Variants in PPP2CB observed in about 807,000 individuals in gnomAD.
The protein encoded by PPP2CB is serine/threonine-protein phosphatase 2A catalytic subunit beta isoform.
In PPP2CB, 18 loss-of-function variants were observed where a neutral mutation model predicts 39.1. That is an observed-to-expected ratio of 0.46 (90% confidence interval 0.32 to 0.68). PPP2CB has a LOEUF of 0.68. PPP2CB is among the 30% of genes least tolerant of loss of function. The pLI is 0.04. For synonymous variants in PPP2CB, 129 were observed against 133.8 expected, an observed-to-expected ratio of 0.96 and a Z score of 0.25; for missense variants, 226 against 396.9, an observed-to-expected ratio of 0.57 and a Z score of 3.66.
At chr8:30,803,082 T>C (rs1806652959) in intron 1 of PPP2CB, among the ~76,000 whole-genome samples, 2 of 152,220 alleles carry the variant, frequency 1.3e-5, no homozygotes, top group African/African-American at 4.8e-5. Flanking sequence ...CTTTCTGTAT[T>C]TGTCAGGAAA....
intron 1 of PPP2CB, among the ~76,000 whole-genome samples, chr8:30,803,026 T>C (rs954022645): frequency 6.6e-6 from 1 of 152,192 alleles, no homozygotes; most frequent in Non-Finnish European, 1.5e-5. Flanking sequence ...ACTTATTGCA[T>C]AAATGAGGAA....
intron 1 of PPP2CB, among the ~76,000 whole-genome samples, chr8:30,808,854 TA>T (rs752399856): frequency 1.3e-5 from 2 of 151,882 alleles, no homozygotes; most frequent in Non-Finnish European, 2.9e-5. Context: ...CACTTATGAT[TA>T]AAACTTTCAG....
chr8:30,791,922 G>A (rs914594387), intron 5 of PPP2CB, among the ~76,000 whole-genome samples: 9 of 151,386 alleles, frequency 5.9e-5, no homozygotes, highest in East Asian at 1.9e-4. Flanking sequence ...ATACATACAC[G>A]TATATATGTA....
At chr8:30,801,509 G>C (rs966786923) in intron 1 of PPP2CB, among the ~76,000 whole-genome samples, 1 of 150,874 alleles carries the variant, frequency 6.6e-6, no homozygotes, top group Admixed American at 6.6e-5. Context: ...ACTCCAGCCT[G>C]GGCGACAGAG....
chr8:30,804,154 T>C (rs2128762282), intron 1 of PPP2CB, among the ~76,000 whole-genome samples: 1 of 152,326 alleles, frequency 6.6e-6, no homozygotes, highest in African/African-American at 2.4e-5. Flanking sequence ...AAAAAGAATA[T>C]GCCAACTCAA....
At chr8:30,802,362 G>A (rs567451673) in intron 1 of PPP2CB, among the ~76,000 whole-genome samples, 75 of 152,094 alleles carry the variant, frequency 4.9e-4, no homozygotes, top group Non-Finnish European at 9.7e-4. Context: ...TTTTGCATAT[G>A]AAGAACATGG....
intron 5 of PPP2CB, among the ~76,000 whole-genome samples, chr8:30,792,122 T>C (rs1017695164): frequency 1.1e-4 from 17 of 151,558 alleles, no homozygotes; most frequent in African/African-American, 3.9e-4. Context: ...AGTGGTGCGA[T>C]CTAGACTCAC....
chr8:30,791,332 A>G lies in PPP2CB; in HGVS notation c.739-17T>C, dbSNP rs750772645. ...ATTGTATCCCTGCAGGATAAAAACA[A>G]ATTCATTATTTCATTATAATATTAT... On this transcript the variant is annotated splice_polypyrimidine_tract_variant and intron_variant, in intron 5 of 6. Transcript: ENST00000221138. 6.6e-7 allele frequency: 1 copy of G among 1,506,396 alleles called. No individual in the cohort carries two copies. The highest frequency in any genetic ancestry group is 2.3e-5 in the East Asian group (1 of 44,094). The allele number at this position is 1,506,396 out of a possible 1,614,324, so 93.3% of individuals were successfully genotyped here.
intron 1 of PPP2CB, among the ~76,000 whole-genome samples, chr8:30,801,908 A>C (rs1429829958): frequency 6.6e-6 from 1 of 152,130 alleles, no homozygotes; most frequent in East Asian, 1.9e-4. Flanking sequence ...GACAATGGCA[A>C]GTTCTATTCC....
At chr8:30,787,446 T>C (rs1806362770) in intron 6 of PPP2CB, among the ~76,000 whole-genome samples, 1 of 152,158 alleles carries the variant, frequency 6.6e-6, no homozygotes, top group Non-Finnish European at 1.5e-5. Flanking sequence ...GCTCAGGTGA[T>C]CCTCCCACTT....
chr8:30,796,301 AAG>A (rs1806524990), intron 3 of PPP2CB, among the ~76,000 whole-genome samples: 2 of 152,212 alleles, frequency 1.3e-5, no homozygotes, highest in Non-Finnish European at 2.9e-5. Context: ...CGAGCAGTCT[AAG>A]AGAGAATTTA....
At chr8:30,810,825 G>T (rs1806813024) in intron 1 of PPP2CB, among the ~76,000 whole-genome samples, 1 of 152,126 alleles carries the variant, frequency 6.6e-6, no homozygotes, top group Non-Finnish European at 1.5e-5. Context: ...TAAAAATATT[G>T]TAACTTAACA....
intron 6 of PPP2CB, among the ~76,000 whole-genome samples, chr8:30,790,557 G>C (rs538672135): frequency 1.3e-5 from 2 of 152,304 alleles, no homozygotes; most frequent in Admixed American, 6.5e-5. Context: ...CAGAACTTCT[G>C]TGCCAGTGCA....
At chr8:30,801,579 G>C (rs1352252103) in intron 1 of PPP2CB, among the ~76,000 whole-genome samples, 1 of 151,494 alleles carries the variant, frequency 6.6e-6, no homozygotes, top group South Asian at 2.1e-4. Context: ...TAAAGTAAAA[G>C]CAGATGACAG....
chr8:30,790,822 AGG>A (rs1806416562), intron 6 of PPP2CB, among the ~76,000 whole-genome samples: 3 of 152,172 alleles, frequency 2.0e-5, no homozygotes, highest in Non-Finnish European at 4.4e-5. Flanking sequence ...GCTGATGAAG[AGG>A]GGGAATCCCT....
At chr8:30,794,831 ACT>A (rs1368217917) in intron 3 of PPP2CB, among the ~76,000 whole-genome samples, 1 of 152,084 alleles carries the variant, frequency 6.6e-6, no homozygotes, top group South Asian at 2.1e-4. Flanking sequence ...TACAGCAAAC[ACT>A]CTGATTCCTG....
intron 6 of PPP2CB, among the ~76,000 whole-genome samples, chr8:30,787,604 G>A (rs541819954): frequency 6.6e-6 from 1 of 152,144 alleles, no homozygotes; most frequent in Non-Finnish European, 1.5e-5. Flanking sequence ...CAAAGTGCTA[G>A]GATTACTGGT....
In PPP2CB at chr8:30,800,449, C is replaced by T. The variant is rs186691138; in HGVS notation, c.103-694G>A. Among the ~76,000 whole-genome samples, 404 of 152,284 alleles carry T rather than the reference C, an allele frequency of 2.7e-3. 2 individuals carry two copies. The highest frequency in any genetic ancestry group is 8.8e-3 in the African/African-American group (365 of 41,572). ...CAAATTATGCAAATTCTTGTGTGAA[C>T]AAACATTCTTACACCAATTCATAGG... On this transcript the variant is annotated intron_variant, in intron 1 of 6. Coordinates refer to ENST00000221138, the MANE Select transcript of PPP2CB (RefSeq NM_001009552.2).
chr8:30,808,431 A>C (rs1477501225), intron 1 of PPP2CB, among the ~76,000 whole-genome samples: 1 of 152,140 alleles, frequency 6.6e-6, no homozygotes, highest in Non-Finnish European at 1.5e-5. Context: ...TCTGAATTAG[A>C]ATAGAAATTT....
Sources: allele counts gnomAD v4.1 joint callset (sites outside exome capture counted in the v4.1 genomes callset), GRCh38; gene constraint gnomAD v4.1.1; transcripts MANE v1.5; gene names NCBI Gene and HGNC (gene_info 2026-07-23, HGNC 2026-07-21).